The following POLR2B variants were observed in gnomAD, a reference collection of about 807,000 sequenced individuals.
The protein encoded by POLR2B is RNA polymerase II subunit B.
In POLR2B, 57 loss-of-function variants were observed where a neutral mutation model predicts 144.6. The ratio of observed to expected loss-of-function variants is 0.39; its 90% CI spans 0.32 to 0.49. POLR2B has a LOEUF of 0.49. Ranked by LOEUF, POLR2B falls within the 20% of genes least tolerant of loss-of-function variation. POLR2B has a pLI of 0.83. For synonymous variants in POLR2B, 442 were observed against 469.8 expected (o/e 0.94, Z 0.77); for missense variants, 595 against 1,467.4 (o/e 0.41, Z 9.71).
In POLR2B at chr4:56,996,278, A is replaced by ATATATTT. The variant is rs1488404814; in HGVS notation, c.735+870_735+871insATATTTT. 6.7e-5 allele frequency among the ~76,000 whole-genome samples: 4 copies of ATATATTT among 59,742 alleles called. 1 individual carries two copies. Among genetic ancestry groups the ATATATTT allele is most frequent in the Non-Finnish European group, 1.4e-4 (4 of 29,336 alleles). 39.2% of individuals were successfully genotyped at this position (59,742 alleles called of 152,430 possible). A position where few individuals can be genotyped will look rare whatever the true frequency, so the allele number is the denominator to read the frequency against. ...TGTGTGTGTGTATATATATATATAT[A>ATATATTT]TTTTTTTTTTTTTTTTTTTTTGAGA... On this transcript the variant is annotated intron_variant, in intron 6 of 24. Transcript: ENST00000314595.
Position 56,986,383 on chromosome 4 carries a change from A to C in POLR2B, c.49A>C (p.Ile17Leu), listed in dbSNP as rs775303509. 204 of 1,612,516 alleles carry C rather than the reference A, an allele frequency of 1.3e-4. No homozygotes were observed. Among genetic ancestry groups the C allele is most frequent in the Non-Finnish European group, 1.6e-4 (186 of 1,178,760 alleles). Reference protein sequence around the residue: ...DMQYDEDDDEITPDLWQEACW... With the variant: ...DMQYDEDDDELTPDLWQEACW... ...GCAATATGATGAGGATGATGATGAA[A>C]TCACCCCGGATTTGTGGCAAGAAGC... Residue 17 changes from isoleucine (I) to leucine (L), a missense_variant, in exon 2 of 25, where the codon ATC (isoleucine) becomes CTC (leucine). Physicochemically the swap from Ile to Leu is conservative, Grantham distance 5. This residue lies in a region of POLR2B where 25 missense variants were observed against 26.1 expected (regional missense o/e 0.96). Transcript: ENST00000314595.
intron 10 of POLR2B, among the ~76,000 whole-genome samples, chr4:57,007,277 G>A (rs1160019575): frequency 2.6e-5 from 4 of 152,118 alleles, no homozygotes; most frequent in African/African-American, 7.2e-5. Context: ...GGGCATGGTG[G>A]TGGGTGTCTG....
intron 14 of POLR2B, among the ~76,000 whole-genome samples, chr4:57,016,791 C>T (rs922855765): frequency 1.4e-4 from 21 of 149,632 alleles, no homozygotes; most frequent in Non-Finnish European, 3.0e-4. Context: ...CAAGTATATA[C>T]TGGTAACAGT....
At chr4:57,025,640 G>A in intron 23 of POLR2B, 103 bp downstream of exon 23, 3 of 700,466 alleles carry the variant, frequency 4.3e-6, no homozygotes, top group Non-Finnish European at 7.3e-6. Context: ...CTGTGTGCCT[G>A]TTACCCCCAT....
chr4:57,018,334 T>C (rs1462731451), intron 16 of POLR2B, among the ~76,000 whole-genome samples: 1 of 152,142 alleles, frequency 6.6e-6, no homozygotes, highest in Non-Finnish European at 1.5e-5. Flanking sequence ...GTTTTTGCAG[T>C]AGTATAAATG....
intron 2 of POLR2B, among the ~76,000 whole-genome samples, chr4:56,988,558 G>A (rs1445899462): frequency 6.6e-6 from 1 of 151,982 alleles, no homozygotes; most frequent in African/African-American, 2.4e-5. Flanking sequence ...GCTTTTCATT[G>A]TGCCTGAGGT....
intron 6 of POLR2B, among the ~76,000 whole-genome samples, chr4:56,997,312 G>T (rs909350035): frequency 6.6e-6 from 1 of 150,780 alleles, no homozygotes; most frequent in Non-Finnish European, 1.5e-5. Context: ...AGGCTGGAGC[G>T]TAGTGGCGCG....
At chr4:57,007,047 T>G (rs771943659) in intron 10 of POLR2B, 45 bp downstream of exon 10, 2 of 1,272,754 alleles carry the variant, frequency 1.6e-6, no homozygotes, top group African/African-American at 3.0e-5. Flanking sequence ...GAAACATGTT[T>G]ATAGGACTAG....
intron 3 of POLR2B, among the ~76,000 whole-genome samples, chr4:56,992,458 C>G (rs1722542116): frequency 1.9e-5 from 1 of 52,040 alleles, no homozygotes; most frequent in Non-Finnish European, 3.1e-5. Flanking sequence ...GGTCGAGACT[C>G]TGTCTCAAAA....
intron 16 of POLR2B, 85 bp from the exon 17 acceptor site, chr4:57,020,814 G>T: frequency 2.5e-6 from 2 of 802,718 alleles, no homozygotes; most frequent in South Asian, 1.4e-5. Context: ...TGGCAAATAT[G>T]ATGTAATTAA....
intron 5 of POLR2B, 80 bp downstream of exon 5, chr4:56,994,946 AGAAAG>A (rs1722633803): frequency 1.2e-6 from 1 of 841,574 alleles, no homozygotes; most frequent in Non-Finnish European, 1.8e-6. Context: ...AAAAAAAAAA[AGAAAG>A]AAAGATTTTC....
rs556303964 is a variant in POLR2B at position 57,025,331 on chromosome 4, T to C, written c.3079-46T>C. 189 of 1,406,936 alleles carry C rather than the reference T, an allele frequency of 1.3e-4. 3 individuals are homozygous for C. In the South Asian group the frequency reaches 2.0e-3, roughly 15 times the overall value. 87.2% of individuals were successfully genotyped at this position (1,406,936 alleles called of 1,614,324 possible). ...ATATATACACATATCTTCTTTGACG[T>C]TGTTTAATTTTTAGGTCTACACTTC... On this transcript the variant is annotated intron_variant, in intron 22 of 24. Coordinates refer to ENST00000314595, the MANE Select transcript of POLR2B (RefSeq NM_000938.3).
intron 9 of POLR2B, among the ~76,000 whole-genome samples, chr4:57,006,339 T>G (rs1302225182): frequency 6.6e-6 from 1 of 152,198 alleles, no homozygotes; most frequent in Non-Finnish European, 1.5e-5. Context: ...AATTTCACTC[T>G]TGTTGCCCAG....
At chr4:57,010,229 C>T (rs2109690639) in intron 10 of POLR2B, 132 bp from the exon 11 acceptor site, 1 of 787,672 alleles carries the variant, frequency 1.3e-6, no homozygotes, top group Non-Finnish European at 2.0e-6. Context: ...CAACATTATT[C>T]AGGGAAAGAA....
chr4:56,996,278 ATTTTT>A (rs869299001), intron 6 of POLR2B, among the ~76,000 whole-genome samples: 3 of 59,728 alleles, frequency 5.0e-5, no homozygotes, highest in Non-Finnish European at 6.8e-5. Flanking sequence ...ATATATATAT[ATTTTT>A]TTTTTTTTTT....
At chr4:57,026,248 A>G (rs1193223717) in intron 23 of POLR2B, among the ~76,000 whole-genome samples, 5 of 151,676 alleles carry the variant, frequency 3.3e-5, no homozygotes, top group African/African-American at 1.2e-4. Flanking sequence ...AAAACAAAAA[A>G]CAAAAAATTT....
In POLR2B at chr4:57,017,438, C is replaced by A; in HGVS notation, c.2155-122C>A. On this transcript the variant is annotated intron_variant, in intron 15 of 24. Transcript: ENST00000314595. This position sits in a 1 kb window ranked among gnomAD's most constrained non-coding sequence, Gnocchi z 4.8. Reference sequence around the variant, plus strand: ...AATTGATTATTCCAAATGGTTATTACTTACTGTTTTTGAAAAAAATCAGGA... The same window carrying A: ...AATTGATTATTCCAAATGGTTATTAATTACTGTTTTTGAAAAAAATCAGGA... The A allele has an allele frequency of 1.2e-6, 1 of 863,754 alleles. No individual in the cohort carries two copies. Among genetic ancestry groups the A allele is most frequent in the Non-Finnish European group, 1.8e-6 (1 of 561,476 alleles). The allele number at this position is 863,754 out of a possible 1,614,324, so 53.5% of individuals were successfully genotyped here. A position where few individuals can be genotyped will look rare whatever the true frequency, so the allele number is the denominator to read the frequency against.
chr4:57,017,450 G>C lies in POLR2B; in HGVS notation c.2155-110G>C, dbSNP rs1310324949. The C allele has an allele frequency of 2.6e-5, 26 of 991,102 alleles. No homozygotes were observed. The highest frequency in any genetic ancestry group is 3.4e-5 in the Non-Finnish European group (23 of 677,716). The allele number at this position is 991,102 out of a possible 1,614,324, so 61.4% of individuals were successfully genotyped here. On this transcript the variant is annotated intron_variant, in intron 15 of 24. Coordinates refer to ENST00000314595, the MANE Select transcript of POLR2B (RefSeq NM_000938.3). This position sits in a 1 kb window ranked among gnomAD's most constrained non-coding sequence, Gnocchi z 4.8. ...CAAATGGTTATTACTTACTGTTTTT[G>C]AAAAAAATCAGGAGTTTTACCAATC...
At position 57,031,066 on chromosome 4, in the gene POLR2B, A is replaced by G. The variant is rs1723905284; in HGVS notation, c.*78A>G. 1.1e-6 allele frequency: 1 copy of G among 906,270 alleles called. No individual in the cohort carries two copies. The highest frequency in any genetic ancestry group is 1.3e-5 in the South Asian group (1 of 75,208). 56.1% of individuals were successfully genotyped at this position (906,270 alleles called of 1,614,324 possible). A position where few individuals can be genotyped will look rare whatever the true frequency, so the allele number is the denominator to read the frequency against. On this transcript the variant is annotated 3_prime_UTR_variant, in exon 25 of 25. Coordinates refer to ENST00000314595, the MANE Select transcript of POLR2B (RefSeq NM_000938.3). Reference sequence around the variant, plus strand: ...TTGTGTGGCTTTTTAAAAATGACAAATATGTACTGTGTTGTGATAAAAAGT... The same window carrying G: ...TTGTGTGGCTTTTTAAAAATGACAAGTATGTACTGTGTTGTGATAAAAAGT...
Sources: gnomAD v4.1 joint callset for allele counts (sites outside exome capture counted in the v4.1 genomes callset) on GRCh38, gnomAD v4.1.1 for gene constraint, gnomAD v4.1.1 regional missense constraint, Gnocchi (gnomAD v3.1) non-coding constraint, MANE v1.5 for transcripts, NCBI Gene and HGNC (gene_info 2026-07-23, HGNC 2026-07-21) for gene names.